The following PRRC2B variants were observed in gnomAD, a reference collection of about 807,000 sequenced individuals.
The protein encoded by PRRC2B is proline rich coiled-coil 2B, also known as protein PRRC2B.
Under a neutral mutation model 242.3 loss-of-function variants are expected in PRRC2B, and 68 were observed. The observed-to-expected ratio is 0.28, with a 90% CI of 0.23 to 0.34. The LOEUF is 0.34. PRRC2B is among the 10% of genes least tolerant of loss of function. PRRC2B has a pLI of 1.00. For synonymous variants in PRRC2B, 1,228 were observed against 1,173.6 expected (o/e 1.05, Z -0.95); for missense variants, 2,835 against 2,954.8 (o/e 0.96, Z 0.94).
chr9:131,375,677 A>T (rs1472219721), intron 1 of PRRC2B, among the ~76,000 whole-genome samples: 3 of 152,038 alleles, frequency 2.0e-5, no homozygotes, highest in Admixed American at 6.6e-5. Context: ...TACCTTATAA[A>T]ATTTACTTAA....
Position 131,474,888 on chromosome 9 carries a change from C to T in PRRC2B, c.2759C>T (p.Pro920Leu). The T allele has an allele frequency of 1.3e-6, 2 of 1,596,238 alleles. No individual in the cohort carries two copies. The highest frequency in any genetic ancestry group is 1.7e-6 in the Non-Finnish European group (2 of 1,172,226). ...KQPSSEPEWT[P>L]EPRSSSSQHP... ...CCATCCTCGGAGCCTGAATGGACTC[C>T]CGAGCCCCGGAGCTCCAGCAGCCAG... Residue 920 changes from proline (P) to leucine (L), a missense_variant, in exon 16 of 32, where the codon CCC (proline) becomes CTC (leucine). Transcript: ENST00000683519.
chr9:131,438,122 C>T (rs1838434954), intron 4 of PRRC2B, among the ~76,000 whole-genome samples: 1 of 152,206 alleles, frequency 6.6e-6, no homozygotes, highest in Non-Finnish European at 1.5e-5. Context: ...AGTTTTAGAA[C>T]ATCTACCAGT....
rs1943895514 is a variant in PRRC2B, at chr9:131,482,438, C to T, written c.5051C>T (p.Ala1684Val). The T allele has an allele frequency of 1.2e-6, 2 of 1,605,842 alleles. No individual in the cohort carries two copies. Among genetic ancestry groups the T allele is most frequent in the Non-Finnish European group, 1.7e-6 (2 of 1,173,162 alleles). The part of the protein sequence containing the change: ...DLSAESRESS[A>V]TSSQRSSPYG... ...AGTGCCGAGTCTCGGGAGTCGTCTG[C>T]GACCTCCTCGCAGCGCAGCTCCCCA... The change falls in exon 21 of 32, where the codon GCG becomes GTG. Residue 1684 changes from alanine (A) to valine (V), a missense_variant. Coordinates refer to ENST00000683519, the MANE Select transcript of PRRC2B (RefSeq NM_013318.4). This position sits in a 1 kb window ranked among gnomAD's most constrained non-coding sequence, Gnocchi z 5.2.
At chr9:131,408,566 G>A (rs1837427680) in intron 1 of PRRC2B, among the ~76,000 whole-genome samples, 1 of 152,190 alleles carries the variant, frequency 6.6e-6, no homozygotes, top group Non-Finnish European at 1.5e-5. Flanking sequence ...TATAGAAAGA[G>A]AAGAACCCAG....
chr9:131,430,022 G>T lies in PRRC2B; in HGVS notation c.-51-72G>T, dbSNP rs980326956. On this transcript the variant is annotated intron_variant, in intron 1 of 31. Coordinates refer to ENST00000683519, the MANE Select transcript of PRRC2B (RefSeq NM_013318.4). Reference sequence around the variant, plus strand: ...AAGGATTCACTCCTCTGGATCAGAGGTTCTGCTGTAGTGACACTCTTTTTT... The same window carrying T: ...AAGGATTCACTCCTCTGGATCAGAGTTTCTGCTGTAGTGACACTCTTTTTT... The T allele has an allele frequency of 2.4e-5, 15 of 631,386 alleles. 1 individual carries two copies. The East Asian group carries it at 3.5e-4, about 15-fold the overall frequency. The allele number at this position is 631,386 out of a possible 1,614,324, so 39.1% of individuals were successfully genotyped here.
chr9:131,497,194 G>C lies in PRRC2B; in HGVS notation c.*1320G>C, dbSNP rs1427752840. ...TAGGCATCAGTCTCGTTTGTCTTCAGACGGCGGGGGCAGGTCCAGGGTGAG... is the reference window on the plus strand; with the variant it reads ...TAGGCATCAGTCTCGTTTGTCTTCACACGGCGGGGGCAGGTCCAGGGTGAG... On this transcript the variant is annotated 3_prime_UTR_variant, in exon 32 of 32. Coordinates refer to ENST00000683519, the MANE Select transcript of PRRC2B (RefSeq NM_013318.4). 6.6e-6 allele frequency: 1 copy of C among 152,440 alleles called. No homozygotes were observed. The highest frequency in any genetic ancestry group is 1.5e-5 in the Non-Finnish European group (1 of 68,196). The allele number at this position is 152,440 out of a possible 1,614,324, so 9.4% of individuals were successfully genotyped here. A position where few individuals can be genotyped will look rare whatever the true frequency, so the allele number is the denominator to read the frequency against.
intron 1 of PRRC2B, among the ~76,000 whole-genome samples, chr9:131,420,493 C>CTTTCTTTTTTTTTT: frequency 3.3e-5 from 1 of 30,164 alleles, no homozygotes; most frequent in Non-Finnish European, 6.4e-5. Flanking sequence ...TTCTTTCTTT[C>CTTTCTTTTTTTTTT]TTTTTTTTTT....
rs1164717435 is a variant in PRRC2B at position 131,475,606 on chromosome 9, C to T, written c.3477C>T (p.Gly1159=). The T allele has an allele frequency of 6.2e-7, 1 of 1,612,602 alleles. No individual in the cohort carries two copies. Among genetic ancestry groups the T allele is most frequent in the African/African-American group, 1.3e-5 (1 of 75,046 alleles). The stretch of plus-strand genomic sequence containing the variant: ...GGGGCTCCGAGAACGGGAATGAAGG[C>T]TCGCTCCTGGAGAGGGAGGAGAGCA... ...RQRGSENGNE[G]SLLEREESTL... The change falls in exon 16 of 32, where the codon GGC becomes GGT. Residue 1159 remains glycine, a synonymous_variant. Coordinates refer to ENST00000683519, the MANE Select transcript of PRRC2B (RefSeq NM_013318.4).
chr9:131,471,193 C>T (rs959141204), intron 14 of PRRC2B, among the ~76,000 whole-genome samples: 4 of 152,268 alleles, frequency 2.6e-5, no homozygotes, highest in East Asian at 1.9e-4. Context: ...TCATGAAGAT[C>T]GTGTATCATA....
intron 1 of PRRC2B, among the ~76,000 whole-genome samples, chr9:131,427,347 T>G (rs934395057): frequency 3.2e-4 from 47 of 148,398 alleles, no homozygotes; most frequent in Non-Finnish European, 5.9e-4. Context: ...GTGTGTGTTT[T>G]TTTGATGGAG....
intron 1 of PRRC2B, among the ~76,000 whole-genome samples, chr9:131,400,017 A>G (rs1837186534): frequency 6.6e-6 from 1 of 152,156 alleles, no homozygotes; most frequent in Admixed American, 6.6e-5. Flanking sequence ...TCTTCTGGAC[A>G]GGATCGGTTG....
At chr9:131,404,684 G>T (rs1837319186) in intron 1 of PRRC2B, among the ~76,000 whole-genome samples, 2 of 152,188 alleles carry the variant, frequency 1.3e-5, no homozygotes, top group South Asian at 4.1e-4. Flanking sequence ...CAAGCATGCT[G>T]CTGCCCTTTC....
chr9:131,440,622 A>G (rs892851840), intron 5 of PRRC2B, among the ~76,000 whole-genome samples: 4 of 152,222 alleles, frequency 2.6e-5, no homozygotes, highest in Non-Finnish European at 5.9e-5. Flanking sequence ...CTTGCGCATA[A>G]GATTATTCAC....
intron 5 of PRRC2B, among the ~76,000 whole-genome samples, chr9:131,441,544 CAAAG>C (rs1168341482): frequency 3.3e-5 from 5 of 152,084 alleles, no homozygotes; most frequent in African/African-American, 9.7e-5. Context: ...TTTAAAAAAA[CAAAG>C]AAAATAATTG....
At position 131,446,977 on chromosome 9, in the gene PRRC2B, C is replaced by A. The variant is rs1362395679; in HGVS notation, c.856-108C>A. Reference sequence around the variant, plus strand: ...ATTAATTAGGAAACCCCATGACTTTCCTGTTTCTTTTTCCCATTTTCCACT... The same window carrying A: ...ATTAATTAGGAAACCCCATGACTTTACTGTTTCTTTTTCCCATTTTCCACT... On this transcript the variant is annotated intron_variant, in intron 7 of 31. Transcript: ENST00000683519. This position sits in a 1 kb window ranked among gnomAD's most constrained non-coding sequence, Gnocchi z 4.1. The A allele has an allele frequency of 7.0e-7, 1 of 1,419,594 alleles. No homozygotes were observed. The highest frequency in any genetic ancestry group is 1.9e-5 in the Admixed American group (1 of 51,586). 87.9% of individuals were successfully genotyped at this position (1,419,594 alleles called of 1,614,324 possible).
chr9:131,414,303 G>A (rs1837582975), intron 1 of PRRC2B, among the ~76,000 whole-genome samples: 1 of 148,628 alleles, frequency 6.7e-6, no homozygotes, highest in Non-Finnish European at 1.5e-5. Flanking sequence ...AAACAATAAA[G>A]CCTCTAGAAT....
rs746328836 is a variant in PRRC2B at position 131,455,175 on chromosome 9, C to T, written c.1211+9C>T. 3.1e-6 allele frequency: 5 copies of T among 1,596,418 alleles called. No homozygotes were observed. In the Admixed American group the frequency reaches 5.0e-5, roughly 16 times the overall value. ...GACGGCAGGCCAAAGTGGTAAGGAC[C>T]CGTTCCTGCCCTATCAGCATGAGTG... On this transcript the variant is annotated intron_variant, in intron 10 of 31. Transcript: ENST00000683519.
chr9:131,391,176 T>C (rs1336364167), upstream of PRRC2B, among the ~76,000 whole-genome samples: 1 of 152,104 alleles, frequency 6.6e-6, no homozygotes, highest in Non-Finnish European at 1.5e-5. Context: ...ACCACACATT[T>C]AGTGGCTTAT....
At position 131,376,181 on chromosome 9, in the gene PRRC2B, G is replaced by A. The variant is rs182566637; in HGVS notation, c.-56+2450G>A. ...AGCCTGACCAACATGGTGAAACCCC[G>A]TCTCTACTAAAAATACAAAAAAATT... is the stretch of plus-strand genomic sequence containing the variant. On this transcript the variant is annotated intron_variant, in intron 1 of 1. Coordinates refer to the PRRC2B transcript ENST00000682525. 1.6e-4 allele frequency among the ~76,000 whole-genome samples: 24 copies of A among 151,014 alleles called. No homozygotes were observed. In the East Asian group the frequency reaches 2.7e-3, roughly 17 times the overall value.
Sources: gnomAD v4.1 joint callset for allele counts (sites outside exome capture counted in the v4.1 genomes callset) on GRCh38, gnomAD v4.1.1 for gene constraint, Gnocchi (gnomAD v3.1) non-coding constraint, MANE v1.5 for transcripts, NCBI Gene and HGNC (gene_info 2026-07-23, HGNC 2026-07-21) for gene names.